MINDY3: variants seen among roughly 807,000 people sequenced by gnomAD.
MINDY3 encodes MINDY lysine 48 deubiquitinase 3.
In MINDY3, 38 loss-of-function variants were observed where a neutral mutation model predicts 69.2. That is an observed-to-expected ratio of 0.55 (90% CI 0.42 to 0.72). MINDY3 has a LOEUF of 0.72. MINDY3 is among the 30% of genes least tolerant of loss of function. The pLI, the probability that MINDY3 is intolerant of heterozygous loss-of-function variation, is 0.00. For synonymous variants in MINDY3, 192 were observed against 180.1 expected, an observed-to-expected ratio of 1.07 and a Z score of -0.53; for missense variants, 522 against 519.0, an observed-to-expected ratio of 1.01 and a Z score of -0.06.
At chr10:15,859,766 A>G (rs575068222) in intron 1 of MINDY3, among the ~76,000 whole-genome samples, 2 of 152,240 alleles carry the variant, frequency 1.3e-5, no homozygotes, top group Non-Finnish European at 2.9e-5. Flanking sequence ...GGAATTAGCC[A>G]CTTGGACTTT....
intron 10 of MINDY3, 35 bp downstream of exon 10, chr10:15,816,800 T>G: frequency 7.0e-7 from 1 of 1,428,360 alleles, no homozygotes. Flanking sequence ...TTGCCTGATG[T>G]CATAACTTAA....
chr10:15,840,037 T>C (rs1833354187), intron 4 of MINDY3, among the ~76,000 whole-genome samples: 1 of 151,704 alleles, frequency 6.6e-6, no homozygotes, highest in Admixed American at 6.6e-5. Context: ...ACTGTTAAGA[T>C]ACTAATGGAA....
At chr10:15,833,596 T>C (rs1832877146) in intron 8 of MINDY3, 34 bp downstream of exon 8, 2 of 1,313,722 alleles carry the variant, frequency 1.5e-6, no homozygotes, top group South Asian at 1.2e-5. Context: ...ATATTATTCA[T>C]CAAAGAGAGC....
At chr10:15,844,746 A>G (rs1833710942) in intron 2 of MINDY3, among the ~76,000 whole-genome samples, 1 of 152,154 alleles carries the variant, frequency 6.6e-6, no homozygotes, top group Non-Finnish European at 1.5e-5. Flanking sequence ...CCTACCCACA[A>G]ATTTGTACTA....
At chr10:15,798,299 T>C (rs1286679625) in intron 10 of MINDY3, among the ~76,000 whole-genome samples, 11 of 152,044 alleles carry the variant, frequency 7.2e-5, no homozygotes, top group Non-Finnish European at 1.5e-4. Flanking sequence ...AAAGTAAAGT[T>C]TGGGAAATTA....
At chr10:15,796,742 G>T (rs1401346629) in intron 10 of MINDY3, among the ~76,000 whole-genome samples, 4 of 151,902 alleles carry the variant, frequency 2.6e-5, no homozygotes, top group Admixed American at 2.6e-4. Flanking sequence ...CACCCTAGAG[G>T]ACAGAAATTT....
intron 10 of MINDY3, among the ~76,000 whole-genome samples, chr10:15,804,530 A>G (rs1387713142): frequency 6.6e-6 from 1 of 152,182 alleles, no homozygotes; most frequent in East Asian, 1.9e-4. Flanking sequence ...ACGATTCATC[A>G]AAGAACCTCC....
intron 6 of MINDY3, among the ~76,000 whole-genome samples, chr10:15,835,566 A>G (rs556622736): frequency 4.5e-4 from 69 of 152,188 alleles, no homozygotes; most frequent in African/African-American, 1.5e-3. Context: ...AGGGGATACC[A>G]TTTTAAAGAC....
chr10:15,843,509 A>G (rs1208808412), intron 2 of MINDY3, among the ~76,000 whole-genome samples: 1 of 152,070 alleles, frequency 6.6e-6, no homozygotes, highest in South Asian at 2.1e-4. Context: ...TCCACAATAC[A>G]TATTTTCTGA....
At chr10:15,801,400 T>C (rs1383213505) in intron 10 of MINDY3, among the ~76,000 whole-genome samples, 1 of 152,104 alleles carries the variant, frequency 6.6e-6, no homozygotes, top group East Asian at 1.9e-4. Context: ...TGGAAGAGAA[T>C]GCTTTCTCTG....
At chr10:15,802,788 C>T (rs1470130348) in intron 10 of MINDY3, among the ~76,000 whole-genome samples, 1 of 151,546 alleles carries the variant, frequency 6.6e-6, no homozygotes, top group African/African-American at 2.4e-5. Flanking sequence ...ATTACTAATA[C>T]AACAAACTGT....
chr10:15,829,510 G>A lies in MINDY3; in HGVS notation c.730+4120C>T, dbSNP rs182999829. ...GGATTAAAGCACTGGATTTGTGAAGGAGACTAGTAAAAGATTATAAACATA... is the reference window on the plus strand; with the variant it reads ...GGATTAAAGCACTGGATTTGTGAAGAAGACTAGTAAAAGATTATAAACATA... On this transcript the variant is annotated intron_variant, in intron 8 of 14. Coordinates refer to ENST00000277632, the MANE Select transcript of MINDY3 (RefSeq NM_024948.4). 2.5e-3 allele frequency among the ~76,000 whole-genome samples: 386 copies of A among 152,272 alleles called. 1 individual carries two copies. The highest frequency in any genetic ancestry group is 8.9e-3 in the African/African-American group (368 of 41,554).
At position 15,815,664 on chromosome 10, in the gene MINDY3, A is replaced by AATG. The variant is rs953201613; in HGVS notation, c.882+1168_882+1170dup. On this transcript the variant is annotated intron_variant, in intron 10 of 14. Coordinates refer to ENST00000277632, the MANE Select transcript of MINDY3 (RefSeq NM_024948.4). ...TAACGTATGTTTCTTGAATACTAAA[A>AATG]ATGATGATGATGATGATGATGACGA... is the stretch of plus-strand genomic sequence containing the variant. 6.1e-4 allele frequency among the ~76,000 whole-genome samples: 93 copies of AATG among 152,122 alleles called. 1 individual carries two copies. The highest frequency in any genetic ancestry group is 1.9e-3 in the African/African-American group (79 of 41,520).
At chr10:15,855,413 C>G (rs1834619705) in intron 1 of MINDY3, among the ~76,000 whole-genome samples, 1 of 152,030 alleles carries the variant, frequency 6.6e-6, no homozygotes, top group African/African-American at 2.4e-5. Context: ...TTCTCATACT[C>G]AAATTATTTC....
At chr10:15,815,727 C>G (rs1839310202) in intron 10 of MINDY3, among the ~76,000 whole-genome samples, 1 of 152,122 alleles carries the variant, frequency 6.6e-6, no homozygotes, top group African/African-American at 2.4e-5. Context: ...TTAATTTGTA[C>G]TAGGCACTGC....
chr10:15,817,748 T>C (rs1451587917), intron 9 of MINDY3: 2 of 152,188 alleles, frequency 1.3e-5, no homozygotes, highest in Non-Finnish European at 1.5e-5. Context: ...CTGCCTATAA[T>C]TGGGGAATTC....
intron 2 of MINDY3, among the ~76,000 whole-genome samples, chr10:15,844,591 T>C (rs991849774): frequency 6.6e-6 from 1 of 152,222 alleles, no homozygotes. Context: ...TTAGGTTGCT[T>C]GCAATTTTTT....
intron 8 of MINDY3, among the ~76,000 whole-genome samples, chr10:15,824,344 G>C (rs1178066488): frequency 6.6e-6 from 1 of 152,008 alleles, no homozygotes; most frequent in Non-Finnish European, 1.5e-5. Context: ...TTGTGGTTTT[G>C]ATTTGTAGTT....
Position 15,786,662 on chromosome 10 carries a change from G to A in MINDY3, c.1029-14C>T. 1 of 1,453,074 alleles carries A rather than the reference G, an allele frequency of 6.9e-7. No individual in the cohort carries two copies. Among genetic ancestry groups the A allele is most frequent in the African/African-American group, 1.4e-5 (1 of 70,518 alleles). The allele number at this position is 1,453,074 out of a possible 1,614,324, so 90.0% of individuals were successfully genotyped here. ...ATGAGATTTATACTACGGGGAGAAA[G>A]AAGAAAAACAGTGGATACCAGAGGA... On this transcript the variant is annotated splice_polypyrimidine_tract_variant and intron_variant, in intron 12 of 14. Transcript: ENST00000277632.
Sources: gnomAD v4.1 joint callset for allele counts (sites outside exome capture counted in the v4.1 genomes callset) on GRCh38, gnomAD v4.1.1 for gene constraint, MANE v1.5 for transcripts, NCBI Gene and HGNC (gene_info 2026-07-23, HGNC 2026-07-21) for gene names.